UTRN: variants seen among roughly 807,000 people sequenced by gnomAD.
UTRN encodes the protein dystrophin-related protein 1.
Under a neutral mutation model 463.9 loss-of-function variants are expected in UTRN, and 283 were observed. That is an observed-to-expected ratio of 0.61 (90% confidence interval 0.55 to 0.67). The LOEUF (loss-of-function observed/expected upper bound fraction) is 0.67. UTRN is among the 30% of genes least tolerant of loss of function. UTRN has a pLI of 0.00. For missense variants in UTRN, 3,922 were observed against 4,084.3 expected, an observed-to-expected ratio of 0.96 and a Z score of 1.08; for synonymous variants, 1,442 against 1,431.5, an observed-to-expected ratio of 1.01 and a Z score of -0.17.
At chr6:144,595,731 A>C (rs926316077) in intron 51 of UTRN, among the ~76,000 whole-genome samples, 3 of 152,214 alleles carry the variant, frequency 2.0e-5, no homozygotes, top group African/African-American at 7.2e-5. Flanking sequence ...GTAATCTTAG[A>C]TGCTGGGAAG....
chr6:144,331,653 T>C (rs1776339681), intron 2 of UTRN, among the ~76,000 whole-genome samples: 1 of 152,204 alleles, frequency 6.6e-6, no homozygotes, highest in Non-Finnish European at 1.5e-5. Flanking sequence ...GATAGGCTGC[T>C]GGGAGGCAGA....
rs113807527 is a variant in UTRN at position 144,782,923 on chromosome 6, C to T, written c.8834+800C>T. Among the ~76,000 whole-genome samples, 224 of 152,124 alleles carry T rather than the reference C, an allele frequency of 1.5e-3. 1 individual carries two copies. Among genetic ancestry groups the T allele is most frequent in the African/African-American group, 5.1e-3 (210 of 41,510 alleles). On this transcript the variant is annotated intron_variant, in intron 61 of 74. Transcript: ENST00000367545. ...AAGAAAACTAGAACTGGGCTGGGCA[C>T]GGTGGCTCCCGCCTGTAATCCCAGC...
chr6:144,738,564 T>C (rs1252032130), intron 54 of UTRN, among the ~76,000 whole-genome samples: 2 of 152,184 alleles, frequency 1.3e-5, no homozygotes, highest in African/African-American at 4.8e-5. Context: ...AAACATACTT[T>C]ATGATTTAAA....
At chr6:144,743,068 A>T (rs1790282230) in intron 54 of UTRN, among the ~76,000 whole-genome samples, 1 of 152,216 alleles carries the variant, frequency 6.6e-6, no homozygotes. Flanking sequence ...ATGTCCACTT[A>T]AAAGTGTAAA....
intron 51 of UTRN, among the ~76,000 whole-genome samples, chr6:144,633,690 A>G (rs771034110): frequency 6.6e-5 from 10 of 152,100 alleles, no homozygotes; most frequent in Non-Finnish European, 1.3e-4. Context: ...AGTACCATTT[A>G]ATGGGCTGCA....
intron 2 of UTRN, among the ~76,000 whole-genome samples, chr6:144,361,671 C>T (rs892147834): frequency 5.3e-4 from 81 of 152,244 alleles, no homozygotes; most frequent in African/African-American, 1.9e-3. Context: ...CTCATGCAGC[C>T]TCAACCTTCT....
chr6:144,484,567 C>A (rs191069318), intron 27 of UTRN, among the ~76,000 whole-genome samples: 2 of 150,682 alleles, frequency 1.3e-5, no homozygotes, highest in African/African-American at 4.9e-5. Context: ...CTCAGCCTCC[C>A]GAGTAGCTGG....
rs967211653 is a variant in UTRN at position 144,561,335 on chromosome 6, TACAC to T, written c.7289+4030_7289+4033del. 2.0e-3 allele frequency among the ~76,000 whole-genome samples: 291 copies of T among 148,116 alleles called. 1 individual carries two copies. Among genetic ancestry groups the T allele is most frequent in the African/African-American group, 6.8e-3 (274 of 40,224 alleles). The stretch of plus-strand genomic sequence containing the variant: ...ACATACACATATATGTGTGTGTTTA[TACAC>T]ACACATATACACACACATATAACTG... On this transcript the variant is annotated intron_variant, in intron 50 of 74. Transcript: ENST00000367545.
intron 51 of UTRN, among the ~76,000 whole-genome samples, chr6:144,636,324 A>G (rs757829372): frequency 2.0e-4 from 31 of 152,066 alleles, no homozygotes; most frequent in Non-Finnish European, 2.8e-4. Flanking sequence ...TCTCACTCAT[A>G]AGTGGGAGTT....
At chr6:144,822,580 A>G (rs1261723866) in intron 66 of UTRN, among the ~76,000 whole-genome samples, 1 of 152,158 alleles carries the variant, frequency 6.6e-6, no homozygotes. Flanking sequence ...AAAAGTTTTA[A>G]TAAAGCAATT....
chr6:144,782,157 C>T, intron 61 of UTRN, 34 bp downstream of exon 61: 1 of 1,508,530 alleles, frequency 6.6e-7, no homozygotes, highest in Non-Finnish European at 9.0e-7. Flanking sequence ...AAAATACGAT[C>T]ACTGAATGAA....
At chr6:144,630,068 G>C (rs377085177) in intron 51 of UTRN, among the ~76,000 whole-genome samples, 5 of 152,016 alleles carry the variant, frequency 3.3e-5, no homozygotes, top group Admixed American at 3.3e-4. Flanking sequence ...GGTGCCTGTA[G>C]TCCCAGCTAC....
rs760522313 is a variant in UTRN, at chr6:144,730,405, GTCGACCA to G, written c.7859_7865del (p.Val2620GlyfsTer27). On this transcript the variant is annotated frameshift_variant, in exon 54 of 75. Transcript: ENST00000367545. LOFTEE classifies it high-confidence loss of function. ...GAAAGAATATTCTGTCCTGAATGCT[GTCGACCA>G]GGCCCGAGTTTTCTTGGCTGATCAG... is the stretch of plus-strand genomic sequence containing the variant. 1 of 1,612,396 alleles carries G rather than the reference GTCGACCA, an allele frequency of 6.2e-7. No homozygotes were observed.
At chr6:144,311,390 C>T (rs2114559018) in intron 2 of UTRN, among the ~76,000 whole-genome samples, 1 of 152,256 alleles carries the variant, frequency 6.6e-6, no homozygotes, top group East Asian at 1.9e-4. Context: ...GAGGGTCCTT[C>T]ATGTCTTTTG....
At chr6:144,313,498 G>C (rs1490590625) in intron 2 of UTRN, among the ~76,000 whole-genome samples, 1 of 152,224 alleles carries the variant, frequency 6.6e-6, no homozygotes, top group African/African-American at 2.4e-5. Flanking sequence ...GTGGTGGAGA[G>C]AGCTGCCCCC....
At chr6:144,792,101 T>C (rs1410502888) in intron 62 of UTRN, among the ~76,000 whole-genome samples, 2 of 152,184 alleles carry the variant, frequency 1.3e-5, no homozygotes, top group Non-Finnish European at 2.9e-5. Context: ...ATAATAAAAA[T>C]CAAATTTATC....
chr6:144,730,460 C>G lies in UTRN; in HGVS notation c.7913C>G (p.Pro2638Arg), dbSNP rs911466423. 8 of 1,608,894 alleles carry G rather than the reference C, an allele frequency of 5.0e-6. No individual in the cohort carries two copies. The Admixed American group carries it at 8.4e-5, about 17-fold the overall frequency. Residue 2638 changes from proline (P) to arginine (R), a missense_variant, in exon 54 of 75, where the codon CCA (proline) becomes CGA (arginine). Transcript: ENST00000367545. ...ADQPIEAPEE[P>R]RRNLQSKTEL... The stretch of plus-strand genomic sequence containing the variant: ...CAGCCAATTGAGGCCCCTGAAGAGC[C>G]AAGAAGAAACCTACAATCAAAAACA...
At chr6:144,655,204 T>C (rs1365999384) in intron 51 of UTRN, among the ~76,000 whole-genome samples, 5 of 152,192 alleles carry the variant, frequency 3.3e-5, no homozygotes, top group Admixed American at 1.3e-4. Flanking sequence ...CATCCTTAGA[T>C]TGAACTTTTT....
intron 53 of UTRN, among the ~76,000 whole-genome samples, chr6:144,720,360 G>A (rs1230984563): frequency 6.6e-6 from 1 of 152,212 alleles, no homozygotes; most frequent in Non-Finnish European, 1.5e-5. Flanking sequence ...TCTCTGTATA[G>A]ACATTTAAAG....
Sources: gnomAD v4.1 joint callset for allele counts (sites outside exome capture counted in the v4.1 genomes callset) on GRCh38, gnomAD v4.1.1 for gene constraint, MANE v1.5 for transcripts, NCBI Gene and HGNC (gene_info 2026-07-23, HGNC 2026-07-21) for gene names.